The following ABCG2 variants were observed in gnomAD, a reference collection of about 807,000 sequenced individuals.
The protein encoded by ABCG2 is ATP binding cassette subfamily G member 2 (JR blood group).
A neutral mutation model predicts 73.5 loss-of-function variants in ABCG2; 80 were observed. The ratio of observed to expected loss-of-function variants is 1.09; its 90% CI spans 0.91 to 1.31. ABCG2 has a LOEUF of 1.31. ABCG2 is among the 50% of genes most tolerant of loss of function. The pLI, the probability that ABCG2 is intolerant of heterozygous loss-of-function variation, is 0.00. For synonymous variants in ABCG2, 269 were observed against 282.4 expected (o/e 0.95, Z 0.48); for missense variants, 796 against 786.2 (o/e 1.01, Z -0.15).
At chr4:88,207,734 G>A (rs573718587) in intron 1 of ABCG2, among the ~76,000 whole-genome samples, 14 of 152,098 alleles carry the variant, frequency 9.2e-5, no homozygotes, top group Non-Finnish European at 1.5e-4. Context: ...TAGTAGAGAC[G>A]AGGTCCCACT....
chr4:88,224,540 G>A (rs1730131276), intron 1 of ABCG2, among the ~76,000 whole-genome samples: 1 of 151,842 alleles, frequency 6.6e-6, no homozygotes, highest in Non-Finnish European at 1.5e-5. Flanking sequence ...TGCCCAGGCT[G>A]GAATGCAGTG....
Position 88,099,187 on chromosome 4 carries a change from C to A in ABCG2, c.1492+137G>T, listed in dbSNP as rs199473697. 2.9e-3 allele frequency: 2,291 copies of A among 782,064 alleles called. 17 individuals are homozygous for A. The highest frequency in any genetic ancestry group is 0.022 in the Middle Eastern group (54 of 2,408). The allele number at this position is 782,064 out of a possible 1,614,324, so 48.4% of individuals were successfully genotyped here. ...CAGTGAACAACTGTTTCAGAGAGTG[C>A]AAAATGGACAGGTGTTTCCTTATCT... On this transcript the variant is annotated intron_variant, in intron 12 of 15. Coordinates refer to ENST00000237612, the MANE Select transcript of ABCG2 (RefSeq NM_004827.3).
At chr4:88,201,745 A>C (rs1257965085) in intron 1 of ABCG2, 1 of 152,220 alleles carries the variant, frequency 6.6e-6, no homozygotes, top group Non-Finnish European at 1.5e-5. Flanking sequence ...GGAACAATTC[A>C]GAGAAGATTA....
At chr4:88,131,355 A>G in intron 4 of ABCG2, 142 bp from the exon 5 acceptor site, 1 of 866,136 alleles carries the variant, frequency 1.2e-6, no homozygotes, top group South Asian at 1.7e-5. Flanking sequence ...GCAGTTCTGC[A>G]AATGACAGTT....
At chr4:88,170,150 T>A (rs1452002690) in intron 1 of ABCG2, among the ~76,000 whole-genome samples, 1 of 152,152 alleles carries the variant, frequency 6.6e-6, no homozygotes. Flanking sequence ...TAAACCTTTT[T>A]TTCTTTCCTC....
At chr4:88,106,668 C>G (rs888936484) in intron 10 of ABCG2, among the ~76,000 whole-genome samples, 1 of 152,098 alleles carries the variant, frequency 6.6e-6, no homozygotes, top group African/African-American at 2.4e-5. Flanking sequence ...CTTGAGAAGA[C>G]AAAAAGAATT....
At chr4:88,101,694 C>T (rs1052159705) in intron 10 of ABCG2, among the ~76,000 whole-genome samples, 3 of 152,084 alleles carry the variant, frequency 2.0e-5, no homozygotes, top group Admixed American at 6.5e-5. Flanking sequence ...ATGGGAAGAG[C>T]GTCCTAATAG....
rs191252244 is a variant in ABCG2, at chr4:88,100,287, G to A, written c.1368-839C>T. Among the ~76,000 whole-genome samples the A allele has an allele frequency of 3.4e-3, 524 of 152,024 alleles. 4 individuals carry two copies. The highest frequency in any genetic ancestry group is 0.012 in the African/African-American group (495 of 41,450). The stretch of plus-strand genomic sequence containing the variant: ...GGCCAAAGGGGGTGGATCACCTGAG[G>A]TCAGGAGTTTGAGACCAGCCTGGCC... On this transcript the variant is annotated intron_variant, in intron 11 of 15. Coordinates refer to ENST00000237612, the MANE Select transcript of ABCG2 (RefSeq NM_004827.3).
At chr4:88,209,240 G>T (rs1729492240) in intron 1 of ABCG2, among the ~76,000 whole-genome samples, 1 of 149,700 alleles carries the variant, frequency 6.7e-6, no homozygotes, top group Non-Finnish European at 1.5e-5. Context: ...AACCAGGGAG[G>T]CAGAGCTTGC....
intron 1 of ABCG2, among the ~76,000 whole-genome samples, chr4:88,147,672 T>C (rs1726151062): frequency 6.6e-6 from 1 of 152,192 alleles, no homozygotes; most frequent in South Asian, 2.1e-4. Flanking sequence ...TGTTGCAAGG[T>C]AGCTTAATAA....
At chr4:88,211,904 C>A (rs2046133) in intron 1 of ABCG2, among the ~76,000 whole-genome samples, 15,472 of 152,116 alleles carry the variant, frequency 0.1, 2,652 homozygotes, top group African/African-American at 0.35. Context: ...CAAGTTTGGC[C>A]ATTTTTGTCT....
At chr4:88,200,801 C>T (rs1364530320) in intron 1 of ABCG2, among the ~76,000 whole-genome samples, 12 of 152,186 alleles carry the variant, frequency 7.9e-5, no homozygotes, top group Admixed American at 2.0e-4. Flanking sequence ...TGTGAGCCAC[C>T]GTGCCCAGCC....
chr4:88,117,408 G>A (rs987413737), intron 7 of ABCG2, among the ~76,000 whole-genome samples: 3 of 151,932 alleles, frequency 2.0e-5, no homozygotes, highest in African/African-American at 7.2e-5. Flanking sequence ...CGAGGTGGCA[G>A]ATCACAAGGT....
At chr4:88,117,432 C>T (rs1723656116) in intron 7 of ABCG2, among the ~76,000 whole-genome samples, 1 of 151,968 alleles carries the variant, frequency 6.6e-6, no homozygotes, top group South Asian at 2.1e-4. Context: ...GAGATCAAGA[C>T]CATCCTCCTG....
At chr4:88,210,830 G>A (rs1035947162) in intron 1 of ABCG2, among the ~76,000 whole-genome samples, 1 of 152,036 alleles carries the variant, frequency 6.6e-6, no homozygotes, top group Non-Finnish European at 1.5e-5. Flanking sequence ...CCAAAATGCT[G>A]GAATGACAGG....
intron 1 of ABCG2, among the ~76,000 whole-genome samples, chr4:88,184,117 G>T (rs1186775851): frequency 2.0e-5 from 3 of 152,128 alleles, no homozygotes; most frequent in African/African-American, 7.2e-5. Context: ...TGAATGGGGA[G>T]AAATTGGAAG....
At chr4:88,190,756 CT>C (rs1023163895) in intron 1 of ABCG2, among the ~76,000 whole-genome samples, 1 of 152,098 alleles carries the variant, frequency 6.6e-6, no homozygotes, top group African/African-American at 2.4e-5. Context: ...ATAGTATAGA[CT>C]TTTTTCCCAC....
chr4:88,189,217 C>T (rs1026799453), intron 1 of ABCG2, among the ~76,000 whole-genome samples: 13 of 151,886 alleles, frequency 8.6e-5, no homozygotes, highest in East Asian at 3.9e-4. Context: ...TCTTAGTTTC[C>T]TTTTTGGATT....
intron 2 of ABCG2, among the ~76,000 whole-genome samples, chr4:88,138,974 T>C (rs1181407821): frequency 1.3e-5 from 2 of 151,714 alleles, no homozygotes; most frequent in Non-Finnish European, 2.9e-5. Flanking sequence ...AACCCCATCT[T>C]GACTAAAAAT....
Sources: allele counts gnomAD v4.1 joint callset (sites outside exome capture counted in the v4.1 genomes callset), GRCh38; gene constraint gnomAD v4.1.1; transcripts MANE v1.5; gene names NCBI Gene and HGNC (gene_info 2026-07-23, HGNC 2026-07-21).